The following MOCOS variants were observed in gnomAD, a reference collection of about 807,000 sequenced individuals.
MOCOS encodes human molybdenum cofactor sulfurase.
Under a neutral mutation model 83.6 loss-of-function variants are expected in MOCOS, and 86 were observed. That is an observed-to-expected ratio of 1.03 (90% CI 0.86 to 1.23). The LOEUF is 1.23. MOCOS is among the 50% of genes most tolerant of loss of function. The pLI, the probability that MOCOS is intolerant of heterozygous loss-of-function variation, is 0.00. For synonymous variants in MOCOS, 445 were observed against 434.7 expected, an observed-to-expected ratio of 1.02 and a Z score of -0.29; for missense variants, 1,120 against 1,126.9, an observed-to-expected ratio of 0.99 and a Z score of 0.09.
At chr18:36,234,161 T>G (rs1031389590) in intron 9 of MOCOS, among the ~76,000 whole-genome samples, 1 of 152,244 alleles carries the variant, frequency 6.6e-6, no homozygotes, top group Non-Finnish European at 1.5e-5. Flanking sequence ...TTTTATGGTT[T>G]CATGTCTTAG....
intron 9 of MOCOS, among the ~76,000 whole-genome samples, chr18:36,220,922 A>G (rs1398423312): frequency 9.3e-6 from 1 of 107,760 alleles, no homozygotes; most frequent in East Asian, 2.6e-4. Flanking sequence ...GAGGGTGATG[A>G]TGTCTCAAAA....
chr18:36,216,573 C>A (rs1266275860), intron 8 of MOCOS, among the ~76,000 whole-genome samples: 4 of 152,134 alleles, frequency 2.6e-5, no homozygotes, highest in African/African-American at 7.2e-5. Context: ...AGAAGCTCAA[C>A]CCTACTATAG....
intron 10 of MOCOS, among the ~76,000 whole-genome samples, chr18:36,250,381 T>C (rs1337932923): frequency 6.6e-6 from 1 of 152,172 alleles, no homozygotes; most frequent in Non-Finnish European, 1.5e-5. Context: ...ATGCTAAAGC[T>C]ACATCCAAGT....
At chr18:36,262,250 TACAC>T (rs71168212) in intron 13 of MOCOS, among the ~76,000 whole-genome samples, 2 of 127,824 alleles carry the variant, frequency 1.6e-5, no homozygotes, top group Middle Eastern at 3.9e-3. Flanking sequence ...CGTCTCTCTC[TACAC>T]ACACACACAC....
intron 13 of MOCOS, among the ~76,000 whole-genome samples, chr18:36,266,221 C>T (rs1376120403): frequency 1.3e-5 from 2 of 152,110 alleles, no homozygotes; most frequent in East Asian, 1.9e-4. Context: ...CTGCCACCTC[C>T]GCCTCCCGGG....
chr18:36,255,393 A>G (rs1419716222), intron 11 of MOCOS, among the ~76,000 whole-genome samples: 1 of 152,186 alleles, frequency 6.6e-6, no homozygotes, highest in South Asian at 2.1e-4. Flanking sequence ...TGGAGAGCAA[A>G]TAATTGGAAT....
intron 8 of MOCOS, among the ~76,000 whole-genome samples, chr18:36,216,242 G>A (rs1450912433): frequency 6.6e-6 from 1 of 152,154 alleles, no homozygotes; most frequent in African/African-American, 2.4e-5. Flanking sequence ...GAATGTGTGT[G>A]CTGGCTGTGT....
chr18:36,201,580 T>C (rs2091414808), intron 4 of MOCOS, among the ~76,000 whole-genome samples: 1 of 140,286 alleles, frequency 7.1e-6, no homozygotes, highest in Non-Finnish European at 1.5e-5. Context: ...GAGAATTGCT[T>C]GAGCCCAGGA....
intron 4 of MOCOS, among the ~76,000 whole-genome samples, chr18:36,202,344 G>A (rs1444581273): frequency 6.6e-6 from 1 of 152,098 alleles, no homozygotes; most frequent in African/African-American, 2.4e-5. Flanking sequence ...TTGTAGAGAT[G>A]GGGTCTTGCT....
chr18:36,220,288 C>A, intron 9 of MOCOS, 71 bp downstream of exon 9: 1 of 1,574,514 alleles, frequency 6.4e-7, no homozygotes, highest in Non-Finnish European at 8.7e-7. Flanking sequence ...AAATACTCTA[C>A]CAAGTGTTAG....
rs961130588 is a variant in MOCOS at position 36,213,341 on chromosome 18, A to G, written c.1219-25A>G. On this transcript the variant is annotated intron_variant, in intron 6 of 14. Coordinates refer to ENST00000261326, the MANE Select transcript of MOCOS (RefSeq NM_017947.4). Reference sequence around the variant, plus strand: ...TAAAACTGCACGTTGGTAATGGCTCATTCCATGTTACATTAAATCCGCAGG... The same window carrying G: ...TAAAACTGCACGTTGGTAATGGCTCGTTCCATGTTACATTAAATCCGCAGG... 4.4e-6 allele frequency: 7 copies of G among 1,588,298 alleles called. No homozygotes were observed. The African/African-American group carries it at 9.4e-5, about 21-fold the overall frequency.
chr18:36,211,000 G>A (rs2091453710), intron 6 of MOCOS, among the ~76,000 whole-genome samples: 1 of 151,984 alleles, frequency 6.6e-6, no homozygotes, highest in Admixed American at 6.6e-5. Context: ...CATTCCCCAG[G>A]GCTAGACACA....
In MOCOS at chr18:36,253,509, T is replaced by C. The variant is rs565264743; in HGVS notation, c.2164+2226T>C. 4.6e-5 allele frequency among the ~76,000 whole-genome samples: 7 copies of C among 151,962 alleles called. No homozygotes were observed. The South Asian group carries it at 1.5e-3, about 32-fold the overall frequency. ...GGTGAAACCCCATCTCTACTAAAAA[T>C]ACAAAAATTAGCCGGGCATGGTGGC... On this transcript the variant is annotated intron_variant, in intron 11 of 14. Coordinates refer to ENST00000261326, the MANE Select transcript of MOCOS (RefSeq NM_017947.4).
At chr18:36,243,442 C>T (rs1346470099) in intron 9 of MOCOS, among the ~76,000 whole-genome samples, 1 of 152,156 alleles carries the variant, frequency 6.6e-6, no homozygotes, top group Non-Finnish European at 1.5e-5. Context: ...TAAACCAACT[C>T]TGCATCACTG....
intron 6 of MOCOS, among the ~76,000 whole-genome samples, chr18:36,210,227 C>A (rs750707695): frequency 6.6e-6 from 1 of 152,166 alleles, no homozygotes; most frequent in Non-Finnish European, 1.5e-5. Context: ...CCCAAGGAAT[C>A]TTTTTCTCCA....
At chr18:36,239,963 C>T (rs1306259339) in intron 9 of MOCOS, among the ~76,000 whole-genome samples, 4 of 147,912 alleles carry the variant, frequency 2.7e-5, no homozygotes, top group Non-Finnish European at 6.0e-5. Flanking sequence ...GTGTAGTTCT[C>T]GAGCCTTGGT....
At chr18:36,250,104 A>G (rs2091616330) in intron 10 of MOCOS, among the ~76,000 whole-genome samples, 1 of 152,156 alleles carries the variant, frequency 6.6e-6, no homozygotes, top group Admixed American at 6.5e-5. Context: ...ATCTTGGGAA[A>G]TTTATCCTAT....
In MOCOS at chr18:36,205,190, T is replaced by C. The variant is rs2091430388; in HGVS notation, c.1132T>C (p.Ser378Pro). ...GAPVVRIYSD[S>P]EFSSPEVQGP... ...CCCTGTGGTGCGGATTTACAGCGATTCTGAGTTCAGCAGCCCTGAGGTTCA... is the reference window on the plus strand; with the variant it reads ...CCCTGTGGTGCGGATTTACAGCGATCCTGAGTTCAGCAGCCCTGAGGTTCA... Residue 378 changes from serine (S) to proline (P), a missense_variant, in exon 6 of 15, where the codon TCT (serine) becomes CCT (proline). Physicochemically the swap from Ser to Pro is moderately conservative, Grantham distance 74. Coordinates refer to ENST00000261326, the MANE Select transcript of MOCOS (RefSeq NM_017947.4). 1 of 1,613,958 alleles carries C rather than the reference T, an allele frequency of 6.2e-7. No individual in the cohort carries two copies. Among genetic ancestry groups the C allele is most frequent in the Non-Finnish European group, 8.5e-7 (1 of 1,179,956 alleles).
intron 11 of MOCOS, among the ~76,000 whole-genome samples, chr18:36,253,394 G>T (rs1015389155): frequency 6.6e-6 from 1 of 152,178 alleles, no homozygotes; most frequent in African/African-American, 2.4e-5. Context: ...GAGGCCAGGC[G>T]CGGTGGCTCA....
Sources: gnomAD v4.1 joint callset for allele counts (sites outside exome capture counted in the v4.1 genomes callset) on GRCh38, gnomAD v4.1.1 for gene constraint, MANE v1.5 for transcripts, NCBI Gene and HGNC (gene_info 2026-07-23, HGNC 2026-07-21) for gene names.